The following TSHZ3 variants were observed in gnomAD, a reference collection of about 807,000 sequenced individuals.
The protein encoded by TSHZ3 is teashirt zinc finger homeobox 3, also known as teashirt homolog 3.
A neutral mutation model predicts 64.5 loss-of-function variants in TSHZ3; 10 were observed. The observed-to-expected ratio is 0.16, with a 90% CI of 0.10 to 0.26. The LOEUF (loss-of-function observed/expected upper bound fraction) is 0.26. Ranked by LOEUF, TSHZ3 falls within the 10% of genes least tolerant of loss-of-function variation. The pLI, the probability that TSHZ3 is intolerant of heterozygous loss-of-function variation, is 1.00. For synonymous variants in TSHZ3, 608 were observed against 593.1 expected (o/e 1.03, Z -0.36); for missense variants, 1,242 against 1,421.7 (o/e 0.87, Z 2.03).
chr19:31,224,442 T>C (rs1284365982), intron 4 of TSHZ3, among the ~76,000 whole-genome samples: 4 of 152,162 alleles, frequency 2.6e-5, no homozygotes, highest in Non-Finnish European at 5.9e-5. Flanking sequence ...CATAATCACG[T>C]TGGTATTCTG....
rs144514621 is a variant in TSHZ3 at position 31,278,176 on chromosome 19, G to A, written c.1617C>T (p.Asn539=). Residue 539 remains asparagine, a synonymous_variant, in exon 2 of 2, where the codon AAC becomes AAT. Transcript: ENST00000240587. This position sits in a 1 kb window ranked among gnomAD's most constrained non-coding sequence, Gnocchi z 4.7. The part of the protein sequence containing the change: ...TVTSAINKAQ[N]GTPSWGGYPS... The stretch of plus-strand genomic sequence containing the variant: ...GATAGCCCCCCCAGCTAGGAGTGCC[G>A]TTCTGGGCCTTGTTGATTGCGGATG... The A allele has an allele frequency of 1.1e-3, 1,724 of 1,614,174 alleles. 3 individuals are homozygous for A. Among genetic ancestry groups the A allele is most frequent in the Non-Finnish European group, 1.3e-3 (1,532 of 1,180,024 alleles).
intron 5 of TSHZ3, among the ~76,000 whole-genome samples, chr19:31,187,170 C>T (rs1385214225): frequency 6.6e-6 from 1 of 152,170 alleles, no homozygotes; most frequent in East Asian, 1.9e-4. Context: ...TGCTCCCCAC[C>T]CATAACCCCT....
At chr19:31,168,646 G>A (rs1404142754) in intron 5 of TSHZ3, among the ~76,000 whole-genome samples, 1 of 152,174 alleles carries the variant, frequency 6.6e-6, no homozygotes, top group East Asian at 1.9e-4. Context: ...ACGTCTTTTG[G>A]CACATCTGAG....
chr19:31,186,703 A>T (rs1424099833), intron 5 of TSHZ3, among the ~76,000 whole-genome samples: 2 of 152,218 alleles, frequency 1.3e-5, no homozygotes, highest in South Asian at 2.1e-4. Context: ...CAACCTGTTT[A>T]TTCCATATCT....
chr19:31,182,648 C>T (rs1386767428), intron 5 of TSHZ3, among the ~76,000 whole-genome samples: 4 of 152,154 alleles, frequency 2.6e-5, no homozygotes, highest in South Asian at 2.1e-4. Context: ...ATGTCAGACA[C>T]GCCTCAACTT....
intron 1 of TSHZ3, chr19:31,308,801 G>A (rs866225514): frequency 2.0e-5 from 8 of 397,598 alleles, no homozygotes; most frequent in South Asian, 1.4e-4. Context: ...CTAGAGATAA[G>A]GAAGTGACTC....
intron 3 of TSHZ3, among the ~76,000 whole-genome samples, chr19:31,242,199 C>T (rs1975700068): frequency 6.6e-6 from 1 of 152,242 alleles, no homozygotes; most frequent in East Asian, 1.9e-4. Context: ...CAGGGTTCTT[C>T]AGAGGGACAG....
intron 4 of TSHZ3, among the ~76,000 whole-genome samples, chr19:31,214,363 A>C (rs1167415064): frequency 1.3e-5 from 2 of 152,212 alleles, no homozygotes; most frequent in Non-Finnish European, 2.9e-5. Context: ...AGCCAAGAGG[A>C]GCTAGCTTTG....
intron 3 of TSHZ3, among the ~76,000 whole-genome samples, chr19:31,235,578 T>TTC (rs1740245926): frequency 1.7e-5 from 2 of 117,990 alleles, no homozygotes; most frequent in South Asian, 2.6e-4. Flanking sequence ...TTTTCTTTCC[T>TTC]TCTCTTTTTT....
At chr19:31,261,883 T>C (rs1419415642) in intron 1 of TSHZ3, among the ~76,000 whole-genome samples, 1 of 152,198 alleles carries the variant, frequency 6.6e-6, no homozygotes, top group Admixed American at 6.5e-5. Flanking sequence ...AGTTTGTATA[T>C]GAAGTCGGAA....
intron 4 of TSHZ3, among the ~76,000 whole-genome samples, chr19:31,222,402 G>A (rs1199319288): frequency 6.6e-6 from 1 of 152,192 alleles, no homozygotes; most frequent in Non-Finnish European, 1.5e-5. Context: ...CTCTTGAGAT[G>A]AAAAGAGACA....
At chr19:31,285,818 A>G (rs1371324020) in intron 1 of TSHZ3, among the ~76,000 whole-genome samples, 1 of 149,178 alleles carries the variant, frequency 6.7e-6, no homozygotes. Context: ...AGGAAAAGTG[A>G]AAGTGAAAGA....
intron 5 of TSHZ3, among the ~76,000 whole-genome samples, chr19:31,161,782 A>C (rs1362713876): frequency 6.6e-6 from 1 of 152,230 alleles, no homozygotes; most frequent in Non-Finnish European, 1.5e-5. Context: ...AGGGCCAGAT[A>C]GTAAATATTT....
intron 1 of TSHZ3, among the ~76,000 whole-genome samples, chr19:31,261,142 C>T (rs999855637): frequency 2.0e-5 from 3 of 152,126 alleles, no homozygotes; most frequent in Admixed American, 6.5e-5. Context: ...TCAGGGTGCC[C>T]AAGGGCTCTC....
upstream of TSHZ3, chr19:31,349,526 G>T: frequency 3.0e-6 from 1 of 334,404 alleles, no homozygotes; most frequent in East Asian, 4.8e-5. Context: ...GAGGAGGACC[G>T]CGCTGCCGGC....
chr19:31,333,150 A>AAATC (rs1555739567), intron 1 of TSHZ3, among the ~76,000 whole-genome samples: 2,372 of 137,966 alleles, frequency 0.017, 50 homozygotes, highest in African/African-American at 0.041. Context: ...ATAAATAAAT[A>AAATC]AATCCAGGGG....
At chr19:31,245,596 C>G (rs191466267) in intron 1 of TSHZ3, among the ~76,000 whole-genome samples, 1 of 152,204 alleles carries the variant, frequency 6.6e-6, no homozygotes, top group Non-Finnish European at 1.5e-5. Context: ...GACAACTGCA[C>G]TATCAGATGG....
Position 31,308,423 on chromosome 19 carries a change from G to A in TSHZ3, c.41-28671C>T, listed in dbSNP as rs1481735428. 8.6e-5 allele frequency: 33 copies of A among 385,092 alleles called. 1 individual carries two copies. The East Asian group carries it at 1.2e-3, about 14-fold the overall frequency. 23.9% of individuals were successfully genotyped at this position (385,092 alleles called of 1,614,324 possible). A position where few individuals can be genotyped will look rare whatever the true frequency, so the allele number is the denominator to read the frequency against. On this transcript the variant is annotated intron_variant, in intron 1 of 1. Coordinates refer to ENST00000240587, the MANE Select transcript of TSHZ3 (RefSeq NM_020856.4). ...AATGCGCTGGAACATTCCCCCGACA[G>A]GCAAAATAGAGACAGCTCCGGTGTC...
exon 7 of TSHZ3, among the ~76,000 whole-genome samples, chr19:31,151,559 C>T (rs1040550363): frequency 6.6e-6 from 1 of 152,162 alleles, no homozygotes; most frequent in Non-Finnish European, 1.5e-5. Flanking sequence ...ATGACAGCAG[C>T]TGAGGATGTT....
Sources: gnomAD v4.1 joint callset for allele counts (sites outside exome capture counted in the v4.1 genomes callset) on GRCh38, gnomAD v4.1.1 for gene constraint, Gnocchi (gnomAD v3.1) non-coding constraint, MANE v1.5 for transcripts, NCBI Gene and HGNC (gene_info 2026-07-23, HGNC 2026-07-21) for gene names.